HTR1F: variants seen among roughly 807,000 people sequenced by gnomAD.
HTR1F encodes the protein 5-hydroxytryptamine receptor 1F.
Under a neutral mutation model 24.0 loss-of-function variants are expected in HTR1F, and 17 were observed. The observed-to-expected ratio is 0.71, with a 90% CI of 0.48 to 1.06. HTR1F has a LOEUF of 1.06. Among genes scored for constraint, HTR1F ranks in the 50% least tolerant of loss-of-function variants. The pLI is 0.00. For missense variants in HTR1F, 391 were observed against 427.8 expected, an observed-to-expected ratio of 0.91 and a Z score of 0.76; for synonymous variants, 186 against 156.8, an observed-to-expected ratio of 1.19 and a Z score of -1.39.
intron 2 of HTR1F, among the ~76,000 whole-genome samples, chr3:87,912,535 A>T (rs528727753): frequency 6.7e-6 from 1 of 148,800 alleles, no homozygotes; most frequent in African/African-American, 2.5e-5. Flanking sequence ...CTGTCAAACC[A>T]CCTATGACAT....
chr3:87,866,171 G>T (rs1705422298), intron 2 of HTR1F, among the ~76,000 whole-genome samples: 2 of 152,124 alleles, frequency 1.3e-5, no homozygotes, highest in Non-Finnish European at 1.5e-5. Flanking sequence ...AGTGTCCTAA[G>T]AAAGTGTCAA....
chr3:87,892,970 A>C (rs1273936007), intron 2 of HTR1F, among the ~76,000 whole-genome samples: 1 of 152,078 alleles, frequency 6.6e-6, no homozygotes, highest in Admixed American at 6.6e-5. Flanking sequence ...ACATACCAAA[A>C]AAAGAAAAAA....
intron 2 of HTR1F, among the ~76,000 whole-genome samples, chr3:87,836,249 T>C (rs1704680471): frequency 6.6e-6 from 1 of 152,210 alleles, no homozygotes; most frequent in Admixed American, 6.5e-5. Context: ...AGGTTGTCAG[T>C]AAAGTTAATG....
At chr3:87,906,810 A>G (rs1228620174) in intron 2 of HTR1F, among the ~76,000 whole-genome samples, 1 of 151,914 alleles carries the variant, frequency 6.6e-6, no homozygotes, top group African/African-American at 2.4e-5. Flanking sequence ...TTCATTCCTG[A>G]GTTACTTAGA....
chr3:87,901,819 G>A (rs942106103), intron 2 of HTR1F, among the ~76,000 whole-genome samples: 9 of 151,876 alleles, frequency 5.9e-5, no homozygotes, highest in African/African-American at 2.2e-4. Context: ...CTTTTCTAGT[G>A]ACATATTTTA....
chr3:87,928,295 C>A (rs1704177040), intron 2 of HTR1F, among the ~76,000 whole-genome samples: 1 of 152,066 alleles, frequency 6.6e-6, no homozygotes, highest in South Asian at 2.1e-4. Flanking sequence ...ATCCACCTGC[C>A]TTAGCCTCTC....
intron 2 of HTR1F, among the ~76,000 whole-genome samples, chr3:87,880,323 A>G (rs922944198): frequency 1.5e-4 from 23 of 152,180 alleles, no homozygotes; most frequent in African/African-American, 5.5e-4. Context: ...CATTGTACAT[A>G]GATTACATCT....
chr3:87,921,908 A>C (rs1704020393), intron 2 of HTR1F, among the ~76,000 whole-genome samples: 1 of 151,872 alleles, frequency 6.6e-6, no homozygotes, highest in Non-Finnish European at 1.5e-5. Flanking sequence ...TTTTTAATGA[A>C]TTTTATTTAT....
intron 2 of HTR1F, among the ~76,000 whole-genome samples, chr3:87,837,881 A>C (rs1476328290): frequency 1.3e-5 from 2 of 151,980 alleles, no homozygotes; most frequent in African/African-American, 4.8e-5. Context: ...TTATTGAAAA[A>C]TATTTTATCT....
intron 2 of HTR1F, among the ~76,000 whole-genome samples, chr3:87,988,533 A>C (rs1259413240): frequency 1.3e-5 from 2 of 152,348 alleles, no homozygotes; most frequent in Non-Finnish European, 2.9e-5. Flanking sequence ...AAAGTAGAAC[A>C]GAATAGAAAA....
intron 2 of HTR1F, among the ~76,000 whole-genome samples, chr3:87,834,836 A>G (rs1704651100): frequency 6.6e-6 from 1 of 152,222 alleles, no homozygotes; most frequent in Non-Finnish European, 1.5e-5. Flanking sequence ...TTTACTAGAA[A>G]ACAGCCATGC....
intron 1 of HTR1F, among the ~76,000 whole-genome samples, chr3:87,799,846 C>A (rs1040803054): frequency 2.6e-5 from 4 of 152,106 alleles, no homozygotes; most frequent in Non-Finnish European, 5.9e-5. Context: ...AGATGGATGA[C>A]CTCCATGCTC....
intron 2 of HTR1F, among the ~76,000 whole-genome samples, chr3:87,900,281 A>T (rs1215013677): frequency 3.9e-5 from 6 of 152,182 alleles, no homozygotes; most frequent in Non-Finnish European, 8.8e-5. Flanking sequence ...ATATATTGGG[A>T]TATATTGGAA....
intron 2 of HTR1F, among the ~76,000 whole-genome samples, chr3:87,928,267 A>T (rs1490143024): frequency 6.6e-6 from 1 of 151,962 alleles, no homozygotes; most frequent in South Asian, 2.1e-4. Flanking sequence ...GCTGGTCTCA[A>T]ACTCCTGTCC....
chr3:87,958,672 G>A (rs994188250), intron 2 of HTR1F, among the ~76,000 whole-genome samples: 1 of 151,480 alleles, frequency 6.6e-6, no homozygotes, highest in Non-Finnish European at 1.5e-5. Flanking sequence ...ACGTTATCTA[G>A]TCCAGTTCTG....
At chr3:87,857,152 G>C (rs1173769149) in intron 2 of HTR1F, among the ~76,000 whole-genome samples, 1 of 151,632 alleles carries the variant, frequency 6.6e-6, no homozygotes, top group African/African-American at 2.4e-5. Context: ...GTATCAGGTG[G>C]AATGGAGACA....
intron 2 of HTR1F, among the ~76,000 whole-genome samples, chr3:87,987,501 T>C (rs1576125114): frequency 6.6e-6 from 1 of 151,276 alleles, no homozygotes; most frequent in African/African-American, 2.4e-5. Flanking sequence ...AATATGGTCA[T>C]AGCATAACTT....
chr3:87,913,618 G>C (rs1023568794), intron 2 of HTR1F, among the ~76,000 whole-genome samples: 4 of 152,058 alleles, frequency 2.6e-5, no homozygotes, highest in Admixed American at 1.3e-4. Context: ...CTGTTATAAA[G>C]ACACATGTAT....
chr3:87,938,181 C>G (rs1704474578), intron 2 of HTR1F, among the ~76,000 whole-genome samples: 2 of 151,880 alleles, frequency 1.3e-5, no homozygotes, highest in Non-Finnish European at 2.9e-5. Context: ...GAACACAGTC[C>G]CGTTCACAAT....
Sources: allele counts gnomAD v4.1 joint callset (sites outside exome capture counted in the v4.1 genomes callset), GRCh38; gene constraint gnomAD v4.1.1; transcripts MANE v1.5; gene names NCBI Gene and HGNC (gene_info 2026-07-23, HGNC 2026-07-21).